The following NCOA7 variants were observed in gnomAD, a reference collection of about 807,000 sequenced individuals.
The protein encoded by NCOA7 is 140 kDa estrogen receptor-associated protein.
NCOA7 carries 45 observed loss-of-function variants against 104.3 expected under a neutral mutation model. The ratio of observed to expected loss-of-function variants is 0.43; its 90% CI spans 0.34 to 0.55. The LOEUF (loss-of-function observed/expected upper bound fraction) is 0.55. Among genes scored for constraint, NCOA7 ranks in the 20% least tolerant of loss-of-function variants. The pLI, the probability that NCOA7 is intolerant of heterozygous loss-of-function variation, is 0.02. For synonymous variants in NCOA7, 398 were observed against 402.3 expected (o/e 0.99, Z 0.13); for missense variants, 1,041 against 1,119.7 (o/e 0.93, Z 1.00).
intron 1 of NCOA7, among the ~76,000 whole-genome samples, chr6:125,793,937 A>T (rs1319318521): frequency 6.6e-6 from 1 of 152,150 alleles, no homozygotes; most frequent in African/African-American, 2.4e-5. Flanking sequence ...GCTAAATTTG[A>T]TCAGAAGCTT....
intron 11 of NCOA7, among the ~76,000 whole-genome samples, chr6:125,917,759 AAAG>A (rs1787208039): frequency 6.6e-6 from 1 of 152,176 alleles, no homozygotes; most frequent in Non-Finnish European, 1.5e-5. Flanking sequence ...AGGAAGGAGA[AAAG>A]AGGAGGGTAG....
chr6:125,813,355 C>T (rs1777244525), intron 1 of NCOA7, among the ~76,000 whole-genome samples: 1 of 152,130 alleles, frequency 6.6e-6, no homozygotes, highest in Admixed American at 6.5e-5. Context: ...TCATCCTCAG[C>T]TCACTTTACC....
At chr6:125,899,076 A>C (rs887527885) in intron 10 of NCOA7, among the ~76,000 whole-genome samples, 1 of 152,136 alleles carries the variant, frequency 6.6e-6, no homozygotes, top group Non-Finnish European at 1.5e-5. Context: ...TTCTGCCATT[A>C]AATATTCTAT....
At chr6:125,840,756 C>G (rs71563685) in intron 2 of NCOA7, among the ~76,000 whole-genome samples, 1 of 151,364 alleles carries the variant, frequency 6.6e-6, no homozygotes, top group African/African-American at 2.4e-5. Flanking sequence ...AGCAGTTCTT[C>G]TGCTTTGGCC....
intron 1 of NCOA7, among the ~76,000 whole-genome samples, chr6:125,808,271 C>T (rs562645747): frequency 5.3e-5 from 8 of 152,324 alleles, no homozygotes; most frequent in Admixed American, 2.0e-4. Context: ...CAGCCCAGCA[C>T]TGGCATCACC....
intron 2 of NCOA7, among the ~76,000 whole-genome samples, chr6:125,839,110 T>TTTAG (rs1779885628): frequency 6.6e-6 from 1 of 151,884 alleles, no homozygotes; most frequent in Non-Finnish European, 1.5e-5. Flanking sequence ...CCTTGGTGAT[T>TTTAG]TTTGTTTGTT....
At chr6:125,916,917 T>C (rs1787136593) in intron 11 of NCOA7, among the ~76,000 whole-genome samples, 1 of 152,238 alleles carries the variant, frequency 6.6e-6, no homozygotes, top group Non-Finnish European at 1.5e-5. Context: ...TAGATGATAT[T>C]TTTAATAGTC....
intron 1 of NCOA7, among the ~76,000 whole-genome samples, chr6:125,797,027 A>C (rs1260090373): frequency 6.6e-6 from 1 of 152,172 alleles, no homozygotes; most frequent in East Asian, 1.9e-4. Context: ...AACACCCATT[A>C]AAAATAGCTT....
At chr6:125,890,086 T>A in intron 9 of NCOA7, 105 bp downstream of exon 9, 1 of 868,284 alleles carries the variant, frequency 1.2e-6, no homozygotes, top group Non-Finnish European at 1.6e-6. Flanking sequence ...AAACAGTATT[T>A]TCTCAATAGA....
chr6:125,800,256 G>A (rs902599442), intron 1 of NCOA7, among the ~76,000 whole-genome samples: 2 of 152,142 alleles, frequency 1.3e-5, no homozygotes, highest in African/African-American at 2.4e-5. Flanking sequence ...AAATCCCAGG[G>A]AATGTTGTCA....
In NCOA7 at chr6:125,889,916, C is replaced by T. The variant is rs1212123858; in HGVS notation, c.1862C>T (p.Ala621Val). The T allele has an allele frequency of 6.3e-7, 1 of 1,589,598 alleles. No homozygotes were observed. ...ESTLDNSCQG[A>V]QMDNKSEVQL... ...ACTCTGGACAACAGCTGTCAAGGTG[C>T]ACAAATGGATAATAAATCTGAAGTT... is the stretch of plus-strand genomic sequence containing the variant. Residue 621 changes from alanine (A) to valine (V), a missense_variant, in exon 9 of 16, where the codon GCA (alanine) becomes GTA (valine). Physicochemically the swap from Ala to Val is moderately conservative, Grantham distance 64. This residue lies in a region of NCOA7 where 914 missense variants were observed against 942.7 expected (regional missense o/e 0.97). Transcript: ENST00000392477.
chr6:125,837,332 G>T (rs550235440), intron 2 of NCOA7, among the ~76,000 whole-genome samples: 2 of 152,134 alleles, frequency 1.3e-5, no homozygotes, highest in Non-Finnish European at 2.9e-5. Flanking sequence ...AACCAGCCAT[G>T]CCTTGGTCCA....
chr6:125,814,740 T>C (rs1330345032), intron 1 of NCOA7, among the ~76,000 whole-genome samples: 1 of 152,210 alleles, frequency 6.6e-6, no homozygotes, highest in East Asian at 1.9e-4. Context: ...AAAGCCATGC[T>C]GAGGAACAGC....
chr6:125,902,623 T>C (rs1785613035), intron 10 of NCOA7, among the ~76,000 whole-genome samples: 1 of 152,154 alleles, frequency 6.6e-6, no homozygotes, highest in African/African-American at 2.4e-5. Context: ...GGTAGGTAGA[T>C]ATATGGTTTG....
chr6:125,794,295 G>T (rs996176019), intron 1 of NCOA7, among the ~76,000 whole-genome samples: 1 of 152,070 alleles, frequency 6.6e-6, no homozygotes, highest in South Asian at 2.1e-4. Flanking sequence ...GTTTGTGTGT[G>T]TTCTTTTCAT....
chr6:125,927,891 G>T, intron 14 of NCOA7, 133 bp downstream of exon 14: 1 of 795,632 alleles, frequency 1.3e-6, no homozygotes, highest in Non-Finnish European at 2.1e-6. Context: ...AGCCCTTTAT[G>T]ACTGTAGCTC....
At chr6:125,841,477 TGG>T (rs1408161432) in intron 2 of NCOA7, among the ~76,000 whole-genome samples, 3 of 152,144 alleles carry the variant, frequency 2.0e-5, no homozygotes, top group Non-Finnish European at 1.5e-5. Flanking sequence ...CCACAACCTG[TGG>T]TTGGTTAAAA....
At position 125,895,875 on chromosome 6, in the gene NCOA7, C is replaced by T. The variant is rs534972665; in HGVS notation, c.2096+5065C>T. On this transcript the variant is annotated intron_variant, in intron 10 of 15. Transcript: ENST00000392477. ...AAACACCTCCCACCAACCCTCACCT[C>T]CAACACTGGGGATTACATTTCGACA... Among the ~76,000 whole-genome samples, 5 of 152,050 alleles carry T rather than the reference C, an allele frequency of 3.3e-5. No homozygotes were observed. In the East Asian group the frequency reaches 9.7e-4, roughly 29 times the overall value.
At chr6:125,869,329 C>T (rs77117103) in intron 3 of NCOA7, among the ~76,000 whole-genome samples, 1 of 152,152 alleles carries the variant, frequency 6.6e-6, no homozygotes, top group African/African-American at 2.4e-5. Flanking sequence ...AGTCTTCCCC[C>T]CCACCAGCAT....
Sources: allele counts gnomAD v4.1 joint callset (sites outside exome capture counted in the v4.1 genomes callset), GRCh38; gene constraint gnomAD v4.1.1; regional missense constraint gnomAD v4.1.1; transcripts MANE v1.5; gene names NCBI Gene and HGNC (gene_info 2026-07-23, HGNC 2026-07-21).